Variants in RANBP2 observed in about 807,000 individuals in gnomAD.
The protein encoded by RANBP2 is E3 SUMO-protein ligase RanBP2.
In RANBP2, 57 loss-of-function variants were observed where a neutral mutation model predicts 303.6. The ratio of observed to expected loss-of-function variants is 0.19; its 90% CI spans 0.15 to 0.23. The LOEUF is 0.23. RANBP2 is among the 10% of genes least tolerant of loss of function. The pLI is 1.00. For synonymous variants in RANBP2, 1,167 were observed against 1,301.5 expected (o/e 0.90, Z 2.23); for missense variants, 3,138 against 3,780.8 (o/e 0.83, Z 4.46).
chr2:109,451,171 C>G, the RANBP2 span, among the ~76,000 whole-genome samples: 1 of 152,246 alleles, frequency 6.6e-6, no homozygotes, highest in Non-Finnish European at 1.5e-5. Flanking sequence ...TAGCAAAGCT[C>G]AGGTCTGCTC....
chr2:109,614,539 C>T, the RANBP2 span: 3 of 1,292,376 alleles, frequency 2.3e-6, no homozygotes, highest in East Asian at 3.2e-5. Flanking sequence ...GGCCCCGAGG[C>T]GGTGCTGCGC....
the RANBP2 span, chr2:108,907,757 C>T: frequency 7.3e-7 from 1 of 1,376,424 alleles, no homozygotes; most frequent in Non-Finnish European, 1.0e-6. Context: ...CTGGGAGAAA[C>T]ACCCCGTCTT....
At chr2:109,129,650 C>T in the RANBP2 span, 14 of 1,500,392 alleles carry the variant, frequency 9.3e-6, no homozygotes, top group East Asian at 1.6e-4. Flanking sequence ...CGGGCGGCGG[C>T]CACCGCCGCG....
chr2:109,112,788 T>A, the RANBP2 span, among the ~76,000 whole-genome samples: 1 of 152,234 alleles, frequency 6.6e-6, no homozygotes, highest in Non-Finnish European at 1.5e-5. Flanking sequence ...AAGTCTTTAA[T>A]CCATCTTGAA....
chr2:109,454,488 C>T, the RANBP2 span, among the ~76,000 whole-genome samples: 1 of 152,228 alleles, frequency 6.6e-6, no homozygotes, highest in African/African-American at 2.4e-5. Flanking sequence ...CTTGCTGTCC[C>T]TGTGCAGTTG....
chr2:108,916,303 C>T, the RANBP2 span, among the ~76,000 whole-genome samples: 8 of 152,284 alleles, frequency 5.3e-5, no homozygotes, highest in African/African-American at 1.9e-4. Context: ...CTCTTCTTGT[C>T]CCTTCCTGTC....
the RANBP2 span, among the ~76,000 whole-genome samples, chr2:109,019,437 G>A: frequency 6.6e-6 from 1 of 152,182 alleles, no homozygotes; most frequent in Non-Finnish European, 1.5e-5. Flanking sequence ...CCCTTGAGAT[G>A]AGTAAAGTGC....
the RANBP2 span, among the ~76,000 whole-genome samples, chr2:109,007,171 G>C: frequency 2.6e-5 from 4 of 152,342 alleles, no homozygotes; most frequent in South Asian, 8.3e-4. Context: ...TCAGGAAAGG[G>C]CCTTGGCCCA....
the RANBP2 span, among the ~76,000 whole-genome samples, chr2:109,356,412 G>A: frequency 6.6e-6 from 1 of 152,186 alleles, no homozygotes; most frequent in Non-Finnish European, 1.5e-5. Context: ...TGGAGCCATG[G>A]CAGGGTCCAC....
intron 6 of RANBP2, among the ~76,000 whole-genome samples, chr2:108,737,092 A>G (rs1248975910): frequency 6.6e-6 from 1 of 151,516 alleles, no homozygotes; most frequent in Non-Finnish European, 1.5e-5. Flanking sequence ...AAAGAAGTTC[A>G]TTTCACTGAG....
chr2:109,474,940 T>C, the RANBP2 span, among the ~76,000 whole-genome samples: 3 of 152,214 alleles, frequency 2.0e-5, no homozygotes, highest in Non-Finnish European at 2.9e-5. Flanking sequence ...CCTTTCAGTG[T>C]TTTTTGTCTT....
At chr2:108,750,934 GT>G (rs753928135) in intron 9 of RANBP2, among the ~76,000 whole-genome samples, 49 of 152,212 alleles carry the variant, frequency 3.2e-4, no homozygotes, top group South Asian at 1.9e-3. Flanking sequence ...AAAACCCATC[GT>G]TTTGGGGTTT....
At chr2:108,986,910 G>A in the RANBP2 span, among the ~76,000 whole-genome samples, 2 of 152,228 alleles carry the variant, frequency 1.3e-5, no homozygotes, top group Non-Finnish European at 2.9e-5. Context: ...AATGTGCTAA[G>A]TGGGCTTAAT....
the RANBP2 span, among the ~76,000 whole-genome samples, chr2:109,568,876 G>A: frequency 6.6e-6 from 1 of 152,092 alleles, no homozygotes; most frequent in Admixed American, 6.6e-5. Context: ...TCTTAAAAGT[G>A]TTCATGATGC....
the RANBP2 span, among the ~76,000 whole-genome samples, chr2:109,651,986 T>A: frequency 6.6e-6 from 1 of 152,208 alleles, no homozygotes; most frequent in South Asian, 2.1e-4. Flanking sequence ...CTATTACCCC[T>A]GCTGACAGCC....
chr2:108,739,131 G>A (rs1006369844), intron 6 of RANBP2, among the ~76,000 whole-genome samples: 3 of 151,988 alleles, frequency 2.0e-5, no homozygotes, highest in East Asian at 2.0e-4. Flanking sequence ...AGCGGGGCGC[G>A]GTGGCTCAGC....
the RANBP2 span, among the ~76,000 whole-genome samples, chr2:109,473,924 A>C: frequency 2.0e-5 from 3 of 152,042 alleles, no homozygotes; most frequent in African/African-American, 4.8e-5. Flanking sequence ...CATTACCCCT[A>C]GGGTAATGCT....
chr2:109,545,613 T>C, the RANBP2 span: 4 of 1,530,024 alleles, frequency 2.6e-6, no homozygotes, highest in Admixed American at 2.0e-5. Context: ...ACCTAAGAAT[T>C]AATTCAATAA....
chr2:108,994,452 T>C, the RANBP2 span, among the ~76,000 whole-genome samples: 1 of 152,188 alleles, frequency 6.6e-6, no homozygotes, highest in Non-Finnish European at 1.5e-5. Context: ...ATACTAAATC[T>C]TTTTTACGAT....
Sources: allele counts gnomAD v4.1 joint callset (sites outside exome capture counted in the v4.1 genomes callset), GRCh38; gene constraint gnomAD v4.1.1; transcripts MANE v1.5; gene names NCBI Gene and HGNC (gene_info 2026-07-23, HGNC 2026-07-21).